The following GALNT17 variants were observed in gnomAD, a reference collection of about 807,000 sequenced individuals.
GALNT17 encodes the protein UDP-GalNAc:polypeptide N-acetylgalactosaminyltransferase-like 3.
GALNT17 carries 29 observed loss-of-function variants against 63.7 expected under a neutral mutation model. The observed-to-expected ratio is 0.46, with a 90% confidence interval of 0.34 to 0.62. The LOEUF (loss-of-function observed/expected upper bound fraction) is 0.62, where lower values mean the gene tolerates loss of function less well. Ranked by LOEUF, GALNT17 falls within the 20% of genes least tolerant of loss-of-function variation. The probability of loss-of-function intolerance (pLI) is 0.01; values close to 1 mark genes in which losing one functional copy is unlikely to be tolerated. For synonymous variants in GALNT17, 305 were observed against 318.3 expected, an observed-to-expected ratio of 0.96 and a Z score of 0.45; for missense variants, 603 against 799.6, an observed-to-expected ratio of 0.75 and a Z score of 2.97.
chr7:71,393,487 A>G (rs1259468688), intron 3 of GALNT17, among the ~76,000 whole-genome samples: 1 of 152,184 alleles, frequency 6.6e-6, no homozygotes, highest in Non-Finnish European at 1.5e-5. Context: ...CATAGTTAAG[A>G]TCAATAGTAT....
chr7:71,460,772 T>A (rs1053598680), intron 5 of GALNT17, among the ~76,000 whole-genome samples: 1 of 152,200 alleles, frequency 6.6e-6, no homozygotes, highest in Non-Finnish European at 1.5e-5. Flanking sequence ...CTCCCCTTTT[T>A]AGGCCATATA....
chr7:71,524,973 C>T (rs1240275026), intron 5 of GALNT17, among the ~76,000 whole-genome samples: 1 of 152,118 alleles, frequency 6.6e-6, no homozygotes, highest in Admixed American at 6.5e-5. Context: ...TATTTGCATC[C>T]TTCCTTGCCC....
intron 9 of GALNT17, among the ~76,000 whole-genome samples, chr7:71,699,976 A>G (rs1791606392): frequency 6.6e-6 from 1 of 151,936 alleles, no homozygotes; most frequent in Non-Finnish European, 1.5e-5. Flanking sequence ...TGATGATAAA[A>G]TATTCCGTTT....
chr7:71,639,838 T>C (rs575367929), intron 6 of GALNT17, among the ~76,000 whole-genome samples: 1 of 152,130 alleles, frequency 6.6e-6, no homozygotes, highest in Non-Finnish European at 1.5e-5. Flanking sequence ...TTAGGTAATC[T>C]CTTTCAGAGG....
At chr7:71,171,333 A>G (rs953619574) in intron 1 of GALNT17, among the ~76,000 whole-genome samples, 2 of 152,172 alleles carry the variant, frequency 1.3e-5, no homozygotes, top group African/African-American at 2.4e-5. Flanking sequence ...TGAGCAACAT[A>G]GTGAGACACT....
At chr7:71,704,137 C>T (rs556236848) in intron 9 of GALNT17, among the ~76,000 whole-genome samples, 4 of 152,082 alleles carry the variant, frequency 2.6e-5, no homozygotes, top group African/African-American at 7.2e-5. Context: ...CAAGGAGACC[C>T]GTAAAACCTG....
intron 1 of GALNT17, among the ~76,000 whole-genome samples, chr7:71,160,306 A>G (rs1245753163): frequency 6.6e-6 from 1 of 152,216 alleles, no homozygotes; most frequent in Non-Finnish European, 1.5e-5. Context: ...TTCCCATATT[A>G]TTAAACACCT....
At chr7:71,332,280 TC>T (rs1791819955) in intron 1 of GALNT17, among the ~76,000 whole-genome samples, 1 of 152,088 alleles carries the variant, frequency 6.6e-6, no homozygotes, top group African/African-American at 2.4e-5. Flanking sequence ...ATTACGCTGT[TC>T]CTTGGATTTG....
At chr7:71,398,550 T>C (rs1793181540) in intron 3 of GALNT17, among the ~76,000 whole-genome samples, 1 of 152,230 alleles carries the variant, frequency 6.6e-6, no homozygotes, top group Admixed American at 6.5e-5. Flanking sequence ...ATAGTCTGTT[T>C]CTAAAAGTTA....
intron 6 of GALNT17, among the ~76,000 whole-genome samples, chr7:71,635,202 G>A (rs1412005150): frequency 9.5e-5 from 8 of 84,450 alleles, no homozygotes; most frequent in African/African-American, 1.9e-4. Flanking sequence ...GTGAGACTCC[G>A]TCTCAAAAAA....
chr7:71,146,805 C>T, intron 1 of GALNT17, among the ~76,000 whole-genome samples: 1 of 152,210 alleles, frequency 6.6e-6, no homozygotes. Context: ...TGCAGAGTCT[C>T]AGCTTTGCCA....
intron 1 of GALNT17, among the ~76,000 whole-genome samples, chr7:71,143,864 A>AC (rs1787964270): frequency 1.3e-5 from 2 of 150,254 alleles, no homozygotes; most frequent in Admixed American, 1.3e-4. Context: ...ACATAGTGAG[A>AC]CCCCATCTCT....
intron 1 of GALNT17, among the ~76,000 whole-genome samples, chr7:71,187,220 C>T (rs1472903203): frequency 6.6e-6 from 1 of 152,014 alleles, no homozygotes; most frequent in Non-Finnish European, 1.5e-5. Flanking sequence ...CCTGATCCTT[C>T]TGCTTCAGCC....
intron 5 of GALNT17, among the ~76,000 whole-genome samples, chr7:71,426,649 G>A (rs1026779501): frequency 1.3e-5 from 2 of 152,086 alleles, no homozygotes; most frequent in African/African-American, 4.8e-5. Flanking sequence ...AAGAAGAGGC[G>A]GTGGCTCACA....
chr7:71,563,222 G>A (rs947196420), intron 5 of GALNT17, among the ~76,000 whole-genome samples: 11 of 152,234 alleles, frequency 7.2e-5, no homozygotes, highest in East Asian at 1.9e-4. Flanking sequence ...ACTCATGGTC[G>A]TAATCGCAGT....
intron 5 of GALNT17, among the ~76,000 whole-genome samples, chr7:71,429,570 T>A (rs931721155): frequency 6.6e-6 from 1 of 152,226 alleles, no homozygotes; most frequent in Non-Finnish European, 1.5e-5. Context: ...AGAGATAAGA[T>A]CTCACTCTGT....
chr7:71,662,071 C>T (rs1790915278), intron 6 of GALNT17, among the ~76,000 whole-genome samples: 1 of 152,182 alleles, frequency 6.6e-6, no homozygotes, highest in Non-Finnish European at 1.5e-5. Context: ...GCATGAAAGC[C>T]ATCCTGACCT....
intron 2 of GALNT17, among the ~76,000 whole-genome samples, chr7:71,348,017 T>C (rs1792125455): frequency 6.6e-6 from 1 of 152,202 alleles, no homozygotes; most frequent in South Asian, 2.1e-4. Flanking sequence ...TCCTAGCATT[T>C]TGGGAGGCCG....
intron 5 of GALNT17, among the ~76,000 whole-genome samples, chr7:71,512,787 C>G (rs527771207): frequency 6.6e-6 from 1 of 152,308 alleles, no homozygotes; most frequent in Non-Finnish European, 1.5e-5. Flanking sequence ...AAACTTGTCT[C>G]CTTGTATGCA....
Sources: allele counts gnomAD v4.1 joint callset (sites outside exome capture counted in the v4.1 genomes callset), GRCh38; gene constraint gnomAD v4.1.1; transcripts MANE v1.5; gene names NCBI Gene and HGNC (gene_info 2026-07-23, HGNC 2026-07-21).